Variants in SHANK1 observed in about 807,000 individuals in gnomAD.
The protein encoded by SHANK1 is SH3 and multiple ankyrin repeat domains protein 1.
Under a neutral mutation model 165.6 loss-of-function variants are expected in SHANK1, and 35 were observed. The ratio of observed to expected loss-of-function variants is 0.21; its 90% CI spans 0.16 to 0.28. SHANK1 has a LOEUF of 0.28. SHANK1 is among the 10% of genes least tolerant of loss of function. SHANK1 has a pLI of 1.00. For synonymous variants in SHANK1, 1,428 were observed against 1,384.8 expected (o/e 1.03, Z -0.69); for missense variants, 2,681 against 3,036.4 (o/e 0.88, Z 2.75).
rs868326782 is a variant in SHANK1, at chr19:50,666,664, C to T, written c.5296G>A (p.Gly1766Arg). ...KLRGRALGASGGLRPGPSGGL... is the reference protein window; with the variant it reads ...KLRGRALGASRGLRPGPSGGL... ...CCGCTGGGGCCAGGCCGCAGGCCTC[C>T]GCTGGCTCCTAGCGCCCGGCCCCGG... Residue 1766 changes from glycine (G) to arginine (R), a missense_variant, in exon 23 of 24, where the codon GGA becomes AGA. Transcript: ENST00000293441. 6 of 1,588,812 alleles carry T rather than the reference C, an allele frequency of 3.8e-6. No individual in the cohort carries two copies. Among genetic ancestry groups the T allele is most frequent in the Non-Finnish European group, 4.3e-6 (5 of 1,171,290 alleles).
At chr19:50,719,092 G>A (rs1163545580) in intron 1 of SHANK1, among the ~76,000 whole-genome samples, 3 of 151,296 alleles carry the variant, frequency 2.0e-5, no homozygotes, top group Admixed American at 6.5e-5. Context: ...CGGGCTGGGC[G>A]GGGAGGCGGG....
intron 23 of SHANK1, among the ~76,000 whole-genome samples, chr19:50,664,127 T>C (rs892516480): frequency 1.3e-3 from 198 of 151,024 alleles, no homozygotes; most frequent in African/African-American, 4.3e-3. Context: ...TCTTTCTTTT[T>C]TTTTTTTTTT....
Position 50,662,414 on chromosome 19 carries a change from G to A in SHANK1, c.6037C>T (p.Pro2013Ser), listed in dbSNP as rs776218363. Residue 2013 changes from proline to serine, a missense_variant, in exon 24 of 24, where the codon CCT (proline) becomes TCT (serine). Physicochemically the swap from Pro to Ser is moderately conservative, Grantham distance 74. This residue lies in a region of SHANK1 where 1,713 missense variants were observed against 1,630.2 expected (regional missense o/e 1.05). Transcript: ENST00000293441. This position sits in a 1 kb window ranked among gnomAD's most constrained non-coding sequence, Gnocchi z 7.7. ...LLPASEHKVS[P>S]APRPSSLPIL... Reference sequence around the variant, plus strand: ...GGCAGGGACGAGGGCCTGGGCGCAGGGCTGACCTTGTGCTCCGAGGCGGGC... The same window carrying A: ...GGCAGGGACGAGGGCCTGGGCGCAGAGCTGACCTTGTGCTCCGAGGCGGGC... 1.3e-6 allele frequency: 2 copies of A among 1,565,202 alleles called. No individual in the cohort carries two copies. The highest frequency in any genetic ancestry group is 1.4e-5 in the African/African-American group (1 of 73,948).
Position 50,659,421 on chromosome 19 carries a change from C to T in SHANK1, c.*2544G>A, listed in dbSNP as rs1599831614. ...CCCTAATCTTCCTCCAGTCCCTGTA[C>T]GTGGACGCCTGGGTCCCAATCCCTT... On this transcript the variant is annotated 3_prime_UTR_variant, in exon 24 of 24. Coordinates refer to ENST00000293441, the MANE Select transcript of SHANK1 (RefSeq NM_016148.5). 2 of 275,036 alleles carry T rather than the reference C, an allele frequency of 7.3e-6. No homozygotes were observed. The highest frequency in any genetic ancestry group is 1.4e-5 in the Non-Finnish European group (2 of 148,030). The allele number at this position is 275,036 out of a possible 1,614,324, so 17.0% of individuals were successfully genotyped here. A position where few individuals can be genotyped will look rare whatever the true frequency, so the allele number is the denominator to read the frequency against.
In SHANK1 at chr19:50,667,025, G is replaced by A; in HGVS notation, c.4935C>T (p.Pro1645=). ...TQGASAAPGD[P]HPPGPPAPAA... ...CTGGGGCAGGCGGGCCTGGTGGATG[G>A]GGGTCCCCAGGAGCGGCGGAGGCCC... Residue 1645 remains proline (P), a synonymous_variant, in exon 23 of 24, where the codon CCC becomes CCT. Coordinates refer to ENST00000293441, the MANE Select transcript of SHANK1 (RefSeq NM_016148.5). This position sits in a 1 kb window ranked among gnomAD's most constrained non-coding sequence, Gnocchi z 5.7. The A allele has an allele frequency of 6.4e-7, 1 of 1,551,240 alleles. No homozygotes were observed.
chr19:50,664,493 CCT>C (rs1282105331), intron 23 of SHANK1, among the ~76,000 whole-genome samples: 1 of 152,320 alleles, frequency 6.6e-6, no homozygotes, highest in African/African-American at 2.4e-5. Context: ...CACACTAAAT[CCT>C]CTCAAAAACT....
Position 50,667,393 on chromosome 19 carries a change from G to T in SHANK1, c.4567C>A (p.Pro1523Thr), listed in dbSNP as rs750143380. ...GGGGAGGGGGGCACGGACCGGCGTG[G>T]GCTGGGCGGCGGGACCCCCGGCCCG... is the stretch of plus-strand genomic sequence containing the variant. Reference protein sequence around the residue: ...EDGPGVPPPSPRRSVPPSPTS... With the variant: ...EDGPGVPPPSTRRSVPPSPTS... The change falls in exon 23 of 24, where the codon CCA becomes ACA. Residue 1523 changes from proline to threonine, a missense_variant. This residue lies in a region of SHANK1 where 1,713 missense variants were observed against 1,630.2 expected (regional missense o/e 1.05). Transcript: ENST00000293441. This position sits in a 1 kb window ranked among gnomAD's most constrained non-coding sequence, Gnocchi z 5.7. 2.0e-6 allele frequency: 3 copies of T among 1,525,374 alleles called. No homozygotes were observed. In the East Asian group the frequency reaches 6.9e-5, roughly 35 times the overall value. The allele number at this position is 1,525,374 out of a possible 1,614,324, so 94.5% of individuals were successfully genotyped here. A position where few individuals can be genotyped will look rare whatever the true frequency, so the allele number is the denominator to read the frequency against.
At chr19:50,679,699 G>A (rs1454083268) in intron 21 of SHANK1, among the ~76,000 whole-genome samples, 2 of 152,214 alleles carry the variant, frequency 1.3e-5, no homozygotes, top group Non-Finnish European at 2.9e-5. Context: ...TCCTGCTAAG[G>A]AGGCAGCCCT....
chr19:50,714,481 C>T (rs1247072445), intron 4 of SHANK1, among the ~76,000 whole-genome samples, 191 bp from the exon 5 acceptor site: 1 of 152,044 alleles, frequency 6.6e-6, no homozygotes, highest in African/African-American at 2.4e-5. Flanking sequence ...CACTTGGGCC[C>T]AGGGGTTCGA....
chr19:50,686,495 G>C lies in SHANK1; in HGVS notation c.2459-140C>G, dbSNP rs1309164853. 2.7e-6 allele frequency: 2 copies of C among 739,650 alleles called. No individual in the cohort carries two copies. 45.8% of individuals were successfully genotyped at this position (739,650 alleles called of 1,614,324 possible). ...GGAAAGGGCAGCCCTGCCTGGGTCCGGGTGGACGGGCAGTCCCGCTTGGAG... is the reference window on the plus strand; with the variant it reads ...GGAAAGGGCAGCCCTGCCTGGGTCCCGGTGGACGGGCAGTCCCGCTTGGAG... On this transcript the variant is annotated intron_variant, in intron 20 of 23. Coordinates refer to ENST00000293441, the MANE Select transcript of SHANK1 (RefSeq NM_016148.5). This position sits in a 1 kb window ranked among gnomAD's most constrained non-coding sequence, Gnocchi z 5.7.
In SHANK1 at chr19:50,662,272, C is replaced by T. The variant is rs895463809; in HGVS notation, c.6179G>A (p.Gly2060Glu). 1 of 1,612,132 alleles carries T rather than the reference C, an allele frequency of 6.2e-7. No individual in the cohort carries two copies. Among genetic ancestry groups the T allele is most frequent in the Non-Finnish European group, 8.5e-7 (1 of 1,178,776 alleles). ...FAPVFVPPHP[G>E]ISGGLGGALS... ...GGCTCCCCCGAGCCCCCCGGATATC[C>T]CCGGGTGTGGCGGCACAAAGACTGG... The change falls in exon 24 of 24, where the codon GGG becomes GAG. Residue 2060 changes from glycine (G) to glutamate (E), a missense_variant. Physicochemically the swap from Gly to Glu is moderately conservative, Grantham distance 98 (BLOSUM62 -2). Around this residue, in one of 10 missense-constraint regions of SHANK1, gnomAD observed 1,713 missense variants for 1,630.2 expected, o/e 1.05. Transcript: ENST00000293441. The surrounding 1 kb of genome is among the most constrained non-coding windows in gnomAD (Gnocchi z 7.7).
intron 15 of SHANK1, among the ~76,000 whole-genome samples, chr19:50,693,242 T>G: frequency 1.6e-5 from 1 of 61,282 alleles, no homozygotes; most frequent in Non-Finnish European, 3.0e-5. Context: ...ATTCCCTGAA[T>G]TCCCTCCCCA....
At chr19:50,674,243 CAAGT>C (rs1401008761) in intron 21 of SHANK1, among the ~76,000 whole-genome samples, 8 of 152,074 alleles carry the variant, frequency 5.3e-5, no homozygotes, top group Admixed American at 2.0e-4. Flanking sequence ...GTTCTACAAG[CAAGT>C]GTTAGATGAG....
At position 50,661,554 on chromosome 19, in the gene SHANK1, GA is replaced by G. The variant is rs1985223509; in HGVS notation, c.*410del. ...CTGGAGAGAGTGGGAAGGGTTGTTA[GA>G]GGGGTGGCAGGTGGTGGAATCCGAG... is the stretch of plus-strand genomic sequence containing the variant. On this transcript the variant is annotated 3_prime_UTR_variant, in exon 24 of 24. Coordinates refer to ENST00000293441, the MANE Select transcript of SHANK1 (RefSeq NM_016148.5). 1.3e-5 allele frequency among the ~76,000 whole-genome samples: 2 copies of G among 151,924 alleles called. No individual in the cohort carries two copies. Among genetic ancestry groups the G allele is most frequent in the Admixed American group, 1.3e-4 (2 of 15,260 alleles).
At chr19:50,704,387 A>T in intron 9 of SHANK1, 50 bp downstream of exon 9, 1 of 1,551,390 alleles carries the variant, frequency 6.4e-7, no homozygotes. Flanking sequence ...TGTCACTGTC[A>T]CCCTTTCCTT....
In SHANK1 at chr19:50,666,956, C is replaced by A. The variant is rs564053392; in HGVS notation, c.5004G>T (p.Pro1668=). The A allele has an allele frequency of 1.3e-6, 2 of 1,594,682 alleles. No individual in the cohort carries two copies. Among genetic ancestry groups the A allele is most frequent in the South Asian group, 2.3e-5 (2 of 88,286 alleles). ...PAAPQPGPDP[P]PGTDSGIEEV... is the part of the protein sequence containing the mutation. The stretch of plus-strand genomic sequence containing the variant: ...CCTCGATGCCAGAATCCGTGCCAGG[C>A]GGAGGGTCCGGGCCAGGCTGTGGGG... Residue 1668 remains proline (P), a synonymous_variant, in exon 23 of 24, where the codon CCG becomes CCT. Coordinates refer to ENST00000293441, the MANE Select transcript of SHANK1 (RefSeq NM_016148.5).
rs1431993839 is a variant in SHANK1 at position 50,690,828 on chromosome 19, A to G, written c.1965-1549T>C. ...AACACATACATCCCAGCAAATGCCA[A>G]TAATACTTACTGTGCTCCACTGTAT... is the stretch of plus-strand genomic sequence containing the variant. On this transcript the variant is annotated intron_variant, in intron 15 of 23. Transcript: ENST00000293441. The surrounding 1 kb of genome is among the most constrained non-coding windows in gnomAD (Gnocchi z 4.9). Among the ~76,000 whole-genome samples, 1 of 152,062 alleles carries G rather than the reference A, an allele frequency of 6.6e-6. No homozygotes were observed. The highest frequency in any genetic ancestry group is 2.4e-5 in the African/African-American group (1 of 41,376).
In SHANK1 at chr19:50,667,451, AG is replaced by A. The variant is rs1294923404; in HGVS notation, c.4508del (p.Pro1503LeufsTer2). 1 of 1,526,994 alleles carries A rather than the reference AG, an allele frequency of 6.5e-7. No homozygotes were observed. The highest frequency in any genetic ancestry group is 1.4e-5 in the African/African-American group (1 of 72,376). The allele number at this position is 1,526,994 out of a possible 1,614,324, so 94.6% of individuals were successfully genotyped here. On this transcript the variant is annotated frameshift_variant, in exon 23 of 24. Transcript: ENST00000293441. LOFTEE classifies it high-confidence loss of function. The surrounding 1 kb of genome is among the most constrained non-coding windows in gnomAD (Gnocchi z 5.7). ...AGGGGGGACCCCTTCCGCTCGTCACAGGGGCCCGGGGCTGGCAGTTTTCAAG... is the reference window on the plus strand; with the variant it reads ...AGGGGGGACCCCTTCCGCTCGTCACAGGGCCCGGGGCTGGCAGTTTTCAAG... ...RFLENCQPRA[P>X]VTSGRGPPSE...
chr19:50,703,714 C>T lies in SHANK1; in HGVS notation c.1339G>A (p.Asp447Asn), dbSNP rs928509883. The change falls in exon 11 of 24, where the codon GAC (aspartate) becomes AAC (asparagine). Residue 447 changes from aspartate (D) to asparagine (N), a missense_variant. Physicochemically the swap from Asp to Asn is conservative, Grantham distance 23. Around this residue, in one of 10 missense-constraint regions of SHANK1, gnomAD observed 5 missense variants for 21.1 expected, o/e 0.24. Transcript: ENST00000293441. ...CCCGGGGCGGAGAACACCATCCAGTCGGGCAGCGCCATGCTGGTGTCACTG... is the reference window on the plus strand; with the variant it reads ...CCCGGGGCGGAGAACACCATCCAGTTGGGCAGCGCCATGCTGGTGTCACTG... ...ANSDTSMALP[D>N]WMVFSAPGAA... 39 of 1,456,138 alleles carry T rather than the reference C, an allele frequency of 2.7e-5. No homozygotes were observed. The highest frequency in any genetic ancestry group is 3.1e-5 in the Non-Finnish European group (34 of 1,106,544). 90.2% of individuals were successfully genotyped at this position (1,456,138 alleles called of 1,614,324 possible).
Sources: gnomAD v4.1 joint callset for allele counts (sites outside exome capture counted in the v4.1 genomes callset) on GRCh38, gnomAD v4.1.1 for gene constraint, gnomAD v4.1.1 regional missense constraint, Gnocchi (gnomAD v3.1) non-coding constraint, MANE v1.5 for transcripts, NCBI Gene and HGNC (gene_info 2026-07-23, HGNC 2026-07-21) for gene names.